LRIF1: variants seen among roughly 807,000 people sequenced by gnomAD.
LRIF1 encodes the protein ligand-dependent nuclear receptor-interacting factor 1.
A neutral mutation model predicts 52.7 loss-of-function variants in LRIF1; 32 were observed. The observed-to-expected ratio is 0.61, with a 90% CI of 0.46 to 0.82. LRIF1 has a LOEUF of 0.82. Among genes scored for constraint, LRIF1 ranks in the 40% least tolerant of loss-of-function variants. The pLI is 0.00. For synonymous variants in LRIF1, 323 were observed against 317.4 expected, an observed-to-expected ratio of 1.02 and a Z score of -0.19; for missense variants, 887 against 892.0, an observed-to-expected ratio of 0.99 and a Z score of 0.07.
At chr1:110,913,636 A>G in the LRIF1 span, among the ~76,000 whole-genome samples, 1 of 152,224 alleles carries the variant, frequency 6.6e-6, no homozygotes, top group Non-Finnish European at 1.5e-5. Context: ...AAACGTCAAA[A>G]AACAACAGAT....
chr1:110,903,406 G>T, the LRIF1 span, among the ~76,000 whole-genome samples: 1 of 152,030 alleles, frequency 6.6e-6, no homozygotes, highest in African/African-American at 2.4e-5. Context: ...GAGAGAGGAG[G>T]ACTTGTTTTG....
At position 110,948,363 on chromosome 1, in the gene LRIF1, T is replaced by C. The variant is rs200763276; in HGVS notation, c.1906A>G (p.Lys636Glu). 3.7e-6 allele frequency: 6 copies of C among 1,612,814 alleles called. No homozygotes were observed. The highest frequency in any genetic ancestry group is 4.2e-6 in the Non-Finnish European group (5 of 1,179,470). Residue 636 changes from lysine to glutamate, a missense_variant, in exon 4 of 4, where the codon AAG (lysine) becomes GAG (glutamate). Lys to Glu is a moderately conservative substitution (Grantham distance 56, BLOSUM62 1). Coordinates refer to ENST00000369763, the MANE Select transcript of LRIF1 (RefSeq NM_018372.4). ...CTCTTCTTTATGTGATCCATCTTCT[T>C]ATTAGTTTTTGCTTTTCTTTTCTTA... The part of the protein sequence containing the change: ...FDKKRKAKTN[K>E]KMDHIKKRKT...
In LRIF1 at chr1:110,948,292, A is replaced by G; in HGVS notation, c.1977T>C (p.Asn659=). ...TGCTTAGGAGTTGGGAACCGGTGACATTAGCTTCCCCATTTATGATTGCGT... is the reference window on the plus strand; with the variant it reads ...TGCTTAGGAGTTGGGAACCGGTGACGTTAGCTTCCCCATTTATGATTGCGT... The part of the protein sequence containing the change: ...AYNAIINGEA[N]VTGSQLLSSI... Residue 659 remains asparagine, a synonymous_variant, in exon 4 of 4, where the codon AAT becomes AAC. Coordinates refer to ENST00000369763, the MANE Select transcript of LRIF1 (RefSeq NM_018372.4). The G allele has an allele frequency of 6.2e-7, 1 of 1,614,120 alleles. No homozygotes were observed. Among genetic ancestry groups the G allele is most frequent in the South Asian group, 1.1e-5 (1 of 91,078 alleles).
At chr1:110,948,450 T>C (rs1422966810) in intron 3 of LRIF1, 51 bp from the exon 4 acceptor site, 11 of 1,538,940 alleles carry the variant, frequency 7.1e-6, no homozygotes, top group Admixed American at 4.0e-5. Context: ...TACTGCTAAA[T>C]GCACCGGGTA....
rs143745483 is a variant in LRIF1 at position 110,960,050 on chromosome 1, G to A, written c.68+3571C>T. Among the ~76,000 whole-genome samples, 80 of 151,950 alleles carry A rather than the reference G, an allele frequency of 5.3e-4. 1 individual carries two copies. In the East Asian group the frequency reaches 9.3e-3, roughly 18 times the overall value. On this transcript the variant is annotated intron_variant, in intron 1 of 3. Transcript: ENST00000369763. ...TCCAATAATATGTACCATGTATTGCGTACATGATAGATATACCAGTTGTTA... is the reference window on the plus strand; with the variant it reads ...TCCAATAATATGTACCATGTATTGCATACATGATAGATATACCAGTTGTTA...
the LRIF1 span, among the ~76,000 whole-genome samples, chr1:110,875,340 C>T: frequency 6.6e-6 from 1 of 152,150 alleles, no homozygotes; most frequent in Non-Finnish European, 1.5e-5. Flanking sequence ...CTAGGTCCAG[C>T]TCTGGGTGGG....
At chr1:110,903,925 G>C in the LRIF1 span, among the ~76,000 whole-genome samples, 1,336 of 152,278 alleles carry the variant, frequency 8.8e-3, 21 homozygotes, top group African/African-American at 0.03. Flanking sequence ...CCCAAGACAG[G>C]CAGCATTCAC....
chr1:110,889,440 C>T, the LRIF1 span, among the ~76,000 whole-genome samples: 102 of 152,056 alleles, frequency 6.7e-4, no homozygotes, highest in African/African-American at 2.4e-3. Flanking sequence ...GCGCCTGTAA[C>T]CCAGCTACTC....
chr1:110,962,692 C>G lies in LRIF1; in HGVS notation c.68+929G>C, dbSNP rs542050440. ...GACTGGAAACAGGTACCTGGCCTCA[C>G]AAATGCTAACTAGCAAAGTTGAGAT... On this transcript the variant is annotated intron_variant, in intron 1 of 3. Transcript: ENST00000369763. Among the ~76,000 whole-genome samples the G allele has an allele frequency of 1.1e-4, 16 of 152,288 alleles. No homozygotes were observed. In the South Asian group the frequency reaches 3.3e-3, roughly 32 times the overall value.
At chr1:110,935,568 C>T in the LRIF1 span, among the ~76,000 whole-genome samples, 1 of 152,116 alleles carries the variant, frequency 6.6e-6, no homozygotes, top group African/African-American at 2.4e-5. Context: ...TTGAAGAATG[C>T]ATCAGAATAT....
the LRIF1 span, among the ~76,000 whole-genome samples, chr1:110,880,754 AC>A: frequency 6.6e-6 from 1 of 152,142 alleles, no homozygotes; most frequent in East Asian, 1.9e-4. Context: ...CATAGATCCT[AC>A]CCTCAAGGAG....
the LRIF1 span, among the ~76,000 whole-genome samples, chr1:110,877,428 C>T: frequency 1.3e-5 from 2 of 152,160 alleles, no homozygotes; most frequent in Non-Finnish European, 2.9e-5. Flanking sequence ...CCTAGGAGGA[C>T]GGAGAACCTC....
the LRIF1 span, among the ~76,000 whole-genome samples, chr1:110,895,477 C>T: frequency 3.9e-5 from 6 of 152,162 alleles, no homozygotes; most frequent in East Asian, 5.8e-4. Flanking sequence ...CACCCACAAA[C>T]GTGTATATGT....
In LRIF1 at chr1:110,963,756, G is replaced by T. The variant is rs1204809614; in HGVS notation, c.-68C>A. 4.7e-6 allele frequency: 6 copies of T among 1,280,282 alleles called. No homozygotes were observed. The African/African-American group carries it at 8.8e-5, about 19-fold the overall frequency. 79.3% of individuals were successfully genotyped at this position (1,280,282 alleles called of 1,614,324 possible). A position where few individuals can be genotyped will look rare whatever the true frequency, so the allele number is the denominator to read the frequency against. On this transcript the variant is annotated 5_prime_UTR_variant, in exon 1 of 4. Coordinates refer to ENST00000369763, the MANE Select transcript of LRIF1 (RefSeq NM_018372.4). ...AGCGTGGGGCCGAGTTTCCCAATGG[G>T]GCGAGAACCAGAGCGAGGGAATGTT...
At chr1:110,885,248 C>T in the LRIF1 span, among the ~76,000 whole-genome samples, 1 of 152,320 alleles carries the variant, frequency 6.6e-6, no homozygotes, top group Admixed American at 6.5e-5. Flanking sequence ...TTGAACAGTT[C>T]AGTATCTATT....
At chr1:110,926,615 A>G in the LRIF1 span, among the ~76,000 whole-genome samples, 1 of 152,144 alleles carries the variant, frequency 6.6e-6, no homozygotes, top group Non-Finnish European at 1.5e-5. Flanking sequence ...ACTTAGAAAG[A>G]CATTACAAAA....
Position 110,947,871 on chromosome 1 carries a change from C to T in LRIF1, c.*88G>A. ...AAAAAACAAGCTTCATATTCAAAGA[C>T]ACTTTCAGAACACACCTACAATTAA... On this transcript the variant is annotated 3_prime_UTR_variant, in exon 4 of 4. Transcript: ENST00000369763. 6.8e-7 allele frequency: 1 copy of T among 1,480,006 alleles called. No individual in the cohort carries two copies. Among genetic ancestry groups the T allele is most frequent in the Non-Finnish European group, 9.0e-7 (1 of 1,116,826 alleles). 91.7% of individuals were successfully genotyped at this position (1,480,006 alleles called of 1,614,324 possible).
downstream of LRIF1, chr1:110,943,367 TACA>T: frequency 6.6e-6 from 1 of 152,236 alleles, no homozygotes; most frequent in African/African-American, 2.4e-5. Flanking sequence ...TATCATGAAA[TACA>T]ACATCAGAAG....
downstream of LRIF1, chr1:110,943,605 CATTT>C (rs1658138189): frequency 6.6e-6 from 1 of 151,966 alleles, no homozygotes; most frequent in Non-Finnish European, 1.5e-5. Flanking sequence ...TAACTAAAAT[CATTT>C]TTTTAAAAAA....
Sources: gnomAD v4.1 joint callset for allele counts (sites outside exome capture counted in the v4.1 genomes callset) on GRCh38, gnomAD v4.1.1 for gene constraint, MANE v1.5 for transcripts, NCBI Gene and HGNC (gene_info 2026-07-23, HGNC 2026-07-21) for gene names.